The following DISP1 variants were observed in gnomAD, a reference collection of about 807,000 sequenced individuals.
DISP1 encodes the protein dispatched RND transporter family member 1, also known as protein dispatched homolog 1.
A neutral mutation model predicts 37.3 loss-of-function variants in DISP1; 30 were observed. The ratio of observed to expected loss-of-function variants is 0.80; its 90% CI spans 0.60 to 1.09. The LOEUF (loss-of-function observed/expected upper bound fraction) is 1.09. DISP1 is among the 50% of genes least tolerant of loss of function. The probability of loss-of-function intolerance (pLI) is 0.00; values close to 1 mark genes in which losing one functional copy is unlikely to be tolerated. For missense variants in DISP1, 1,598 were observed against 1,879.5 expected (o/e 0.85, Z 2.77); for synonymous variants, 634 against 690.2 (o/e 0.92, Z 1.28).
intron 1 of DISP1, among the ~76,000 whole-genome samples, chr1:222,920,441 G>A (rs1672750451): frequency 6.6e-6 from 1 of 152,140 alleles, no homozygotes; most frequent in African/African-American, 2.4e-5. Flanking sequence ...ATGATCTACA[G>A]TCTACTTATT....
At chr1:222,881,473 G>A (rs1670275846) in intron 1 of DISP1, among the ~76,000 whole-genome samples, 1 of 152,232 alleles carries the variant, frequency 6.6e-6, no homozygotes, top group African/African-American at 2.4e-5. Context: ...TGGGATTACA[G>A]ACATGAGCCA....
intron 1 of DISP1, among the ~76,000 whole-genome samples, chr1:222,907,892 T>C (rs1342679426): frequency 6.6e-6 from 1 of 152,162 alleles, no homozygotes; most frequent in Non-Finnish European, 1.5e-5. Context: ...GAGGTTGCAG[T>C]GAGCTGAAAT....
intron 1 of DISP1, among the ~76,000 whole-genome samples, chr1:222,826,101 G>A (rs558490899): frequency 1.2e-4 from 19 of 152,090 alleles, no homozygotes; most frequent in South Asian, 8.3e-4. Flanking sequence ...CAGAGGTCTC[G>A]TTTCATTGCC....
intron 1 of DISP1, among the ~76,000 whole-genome samples, chr1:222,892,722 G>A (rs1306981608): frequency 6.6e-6 from 1 of 152,198 alleles, no homozygotes; most frequent in African/African-American, 2.4e-5. Context: ...AGAAACATCT[G>A]TAATCTGGAT....
At chr1:222,912,714 G>A (rs1176744501) in intron 1 of DISP1, among the ~76,000 whole-genome samples, 1 of 152,130 alleles carries the variant, frequency 6.6e-6, no homozygotes, top group Non-Finnish European at 1.5e-5. Flanking sequence ...ATTAATCAAA[G>A]TGTTTCTTTT....
At chr1:222,816,372 G>A (rs1206874345) in intron 1 of DISP1, among the ~76,000 whole-genome samples, 4 of 152,168 alleles carry the variant, frequency 2.6e-5, no homozygotes, top group African/African-American at 9.7e-5. Context: ...TAGGTAGTAA[G>A]TGAATTGGAT....
At chr1:222,976,549 C>G (rs1246101311) in intron 3 of DISP1, among the ~76,000 whole-genome samples, 3 of 151,870 alleles carry the variant, frequency 2.0e-5, no homozygotes, top group Non-Finnish European at 4.4e-5. Flanking sequence ...TTGTGGTAAC[C>G]TCAATTTTTC....
At chr1:222,885,977 T>C (rs1423243707) in intron 1 of DISP1, among the ~76,000 whole-genome samples, 2 of 152,156 alleles carry the variant, frequency 1.3e-5, no homozygotes, top group Non-Finnish European at 2.9e-5. Context: ...CACGATTTTC[T>C]GGTGCTTTGC....
At chr1:222,815,503 G>C (rs1249599874) in intron 1 of DISP1, among the ~76,000 whole-genome samples, 1 of 152,192 alleles carries the variant, frequency 6.6e-6, no homozygotes, top group Non-Finnish European at 1.5e-5. Flanking sequence ...GTCCTTCTCT[G>C]AGGGTCGTAG....
At chr1:222,953,801 GTTC>G (rs906488618) in intron 3 of DISP1, among the ~76,000 whole-genome samples, 45 of 152,252 alleles carry the variant, frequency 3.0e-4, no homozygotes, top group African/African-American at 1.1e-3. Flanking sequence ...CTTTGAGAGA[GTTC>G]TTCTTTTATT....
intron 1 of DISP1, chr1:222,827,637 A>G (rs1157726283): frequency 6.6e-6 from 1 of 152,134 alleles, no homozygotes; most frequent in Non-Finnish European, 1.5e-5. Context: ...ATAATTAATA[A>G]TCATTTTTTA....
chr1:222,827,278 G>C (rs1011460711), intron 1 of DISP1: 3 of 152,196 alleles, frequency 2.0e-5, no homozygotes, highest in African/African-American at 4.8e-5. Flanking sequence ...TAAATGTACA[G>C]ATGGTGGAAT....
chr1:222,885,882 A>G (rs1436050724), intron 1 of DISP1, among the ~76,000 whole-genome samples: 1 of 151,934 alleles, frequency 6.6e-6, no homozygotes, highest in East Asian at 1.9e-4. Flanking sequence ...ACACACACAC[A>G]CACAGACACA....
chr1:222,882,732 G>C (rs1020912695), intron 1 of DISP1, among the ~76,000 whole-genome samples: 1 of 152,066 alleles, frequency 6.6e-6, no homozygotes, highest in Non-Finnish European at 1.5e-5. Flanking sequence ...AGCATTTAAT[G>C]ATGGAGTTAT....
chr1:222,943,678 A>G, intron 3 of DISP1: 1 of 325,184 alleles, frequency 3.1e-6, no homozygotes, highest in Non-Finnish European at 5.8e-6. Flanking sequence ...GAGACTAAAC[A>G]GCAGTCATTT....
At chr1:222,930,909 T>C (rs1445271200) in intron 2 of DISP1, among the ~76,000 whole-genome samples, 1 of 151,994 alleles carries the variant, frequency 6.6e-6, no homozygotes, top group African/African-American at 2.4e-5. Flanking sequence ...TTTATACAAA[T>C]ACCTTGAGTG....
intron 1 of DISP1, among the ~76,000 whole-genome samples, chr1:222,843,994 A>G (rs1667754942): frequency 6.6e-6 from 1 of 152,158 alleles, no homozygotes; most frequent in Non-Finnish European, 1.5e-5. Flanking sequence ...GATAGTCCTT[A>G]AAGTACTACC....
intron 1 of DISP1, among the ~76,000 whole-genome samples, chr1:222,868,350 TA>T (rs1669320269): frequency 6.6e-6 from 1 of 152,056 alleles, no homozygotes; most frequent in Non-Finnish European, 1.5e-5. Context: ...TACATATATA[TA>T]TGTGTGTGTA....
At chr1:222,815,108 C>G (rs1427263749) in intron 1 of DISP1, 30 bp downstream of exon 1, 1 of 152,210 alleles carries the variant, frequency 6.6e-6, no homozygotes, top group Non-Finnish European at 1.5e-5. Context: ...GTTGCAGGCA[C>G]TTGTTTCCTC....
Sources: allele counts gnomAD v4.1 joint callset (sites outside exome capture counted in the v4.1 genomes callset), GRCh38; gene constraint gnomAD v4.1.1; transcripts MANE v1.5; gene names NCBI Gene and HGNC (gene_info 2026-07-23, HGNC 2026-07-21).